Variants in FOCAD observed in about 807,000 individuals in gnomAD.
The protein encoded by FOCAD is KIAA1797.
FOCAD carries 198 observed loss-of-function variants against 225.6 expected under a neutral mutation model. The ratio of observed to expected loss-of-function variants is 0.88; its 90% confidence interval spans 0.78 to 0.99. The LOEUF is 0.99. Among genes scored for constraint, FOCAD ranks in the 50% least tolerant of loss-of-function variants. The probability of loss-of-function intolerance (pLI) is 0.00; values close to 1 mark genes in which losing one functional copy is unlikely to be tolerated. For synonymous variants in FOCAD, 897 were observed against 755.0 expected (o/e 1.19, Z -3.08); for missense variants, 2,713 against 2,123.6 (o/e 1.28, Z -5.46).
At chr9:20,792,225 A>G (rs1820610743) in intron 11 of FOCAD, among the ~76,000 whole-genome samples, 1 of 152,204 alleles carries the variant, frequency 6.6e-6, no homozygotes, top group African/African-American at 2.4e-5. Flanking sequence ...GTTTATGGTA[A>G]GATTAAATAC....
At chr9:20,920,511 C>A (rs1427259032) in intron 24 of FOCAD, among the ~76,000 whole-genome samples, 4 of 125,908 alleles carry the variant, frequency 3.2e-5, no homozygotes, top group African/African-American at 1.2e-4. Context: ...GACACATGCA[C>A]ACGTATGTTT....
chr9:20,880,062 G>A (rs547237083), intron 19 of FOCAD, among the ~76,000 whole-genome samples: 1 of 152,290 alleles, frequency 6.6e-6, no homozygotes, highest in African/African-American at 2.4e-5. Flanking sequence ...CCCTGTGTAT[G>A]TGTATGCAGA....
At chr9:20,792,644 G>C (rs901252471) in intron 11 of FOCAD, among the ~76,000 whole-genome samples, 6 of 151,972 alleles carry the variant, frequency 3.9e-5, no homozygotes, top group African/African-American at 1.4e-4. Flanking sequence ...TTTACATTTT[G>C]GTTGTTAAGT....
intron 11 of FOCAD, among the ~76,000 whole-genome samples, chr9:20,804,845 G>GA (rs377566786): frequency 3.4e-4 from 38 of 110,322 alleles, no homozygotes; most frequent in Non-Finnish European, 5.7e-4. Context: ...TTGCATGTAG[G>GA]AAAAAAAAAT....
intron 1 of FOCAD, among the ~76,000 whole-genome samples, chr9:20,693,080 C>T (rs1413024335): frequency 6.6e-6 from 1 of 152,166 alleles, no homozygotes; most frequent in Non-Finnish European, 1.5e-5. Flanking sequence ...CCGTTGCCAC[C>T]CAAAGTAAAA....
At chr9:20,801,909 G>C (rs1821882324) in intron 11 of FOCAD, among the ~76,000 whole-genome samples, 1 of 152,120 alleles carries the variant, frequency 6.6e-6, no homozygotes, top group Non-Finnish European at 1.5e-5. Context: ...TCCTTTACCA[G>C]AAGTGTCGAG....
At chr9:20,733,858 A>G (rs1042127682) in intron 4 of FOCAD, among the ~76,000 whole-genome samples, 1 of 152,218 alleles carries the variant, frequency 6.6e-6, no homozygotes, top group East Asian at 1.9e-4. Context: ...AAAATTAGCC[A>G]GGTATGGTGA....
At chr9:20,765,215 G>A in intron 7 of FOCAD, 142 bp downstream of exon 7, 2 of 644,068 alleles carry the variant, frequency 3.1e-6, no homozygotes, top group Non-Finnish European at 5.0e-6. Flanking sequence ...AATCTTTTGG[G>A]GAAGATGAAA....
At chr9:20,670,362 A>G (rs931099139) in intron 2 of FOCAD, among the ~76,000 whole-genome samples, 4 of 152,218 alleles carry the variant, frequency 2.6e-5, no homozygotes, top group Non-Finnish European at 2.9e-5. Flanking sequence ...CACTGTTATA[A>G]AGATACCACC....
chr9:20,697,569 T>G (rs926742730), intron 1 of FOCAD, among the ~76,000 whole-genome samples: 1 of 152,264 alleles, frequency 6.6e-6, no homozygotes, highest in Non-Finnish European at 1.5e-5. Flanking sequence ...CTGTTTGGAC[T>G]GCACATTACT....
At chr9:20,806,670 T>G (rs191937149) in intron 11 of FOCAD, among the ~76,000 whole-genome samples, 3 of 152,308 alleles carry the variant, frequency 2.0e-5, no homozygotes, top group East Asian at 3.9e-4. Flanking sequence ...AAATGCTAGT[T>G]TTTTACATCG....
chr9:20,758,178 C>T lies in FOCAD; in HGVS notation c.481C>T (p.Gln161Ter). ...GCAGCAGCTGACAGCGTTTTTCCAG[C>T]AGTGCCCTGAAAGGTAATGTAAAAT... is the stretch of plus-strand genomic sequence containing the variant. ...FLQQLTAFFQ[Q>*]CPERLEVSCI... Residue 161 changes from glutamine (Q) to a stop codon, truncating the protein, a stop_gained, in exon 6 of 44, where the codon CAG becomes TAG. Coordinates refer to ENST00000338382, the MANE Select transcript of FOCAD (RefSeq NM_001375567.1). LOFTEE classifies it high-confidence loss of function. The T allele has an allele frequency of 6.2e-7, 1 of 1,611,116 alleles. No homozygotes were observed. Among genetic ancestry groups the T allele is most frequent in the Non-Finnish European group, 8.5e-7 (1 of 1,178,404 alleles).
At chr9:20,670,098 A>G (rs1822015650) in intron 2 of FOCAD, among the ~76,000 whole-genome samples, 1 of 152,246 alleles carries the variant, frequency 6.6e-6, no homozygotes, top group African/African-American at 2.4e-5. Context: ...AGCACTTTCT[A>G]CATAGTAAGA....
intron 8 of FOCAD, among the ~76,000 whole-genome samples, chr9:20,774,840 A>T (rs1471846180): frequency 6.6e-6 from 1 of 152,220 alleles, no homozygotes; most frequent in Non-Finnish European, 1.5e-5. Flanking sequence ...TAGCAGTTTT[A>T]GAAGGAAATA....
intron 30 of FOCAD, among the ~76,000 whole-genome samples, 195 bp downstream of exon 30, chr9:20,947,015 A>T (rs1166837485): frequency 6.6e-6 from 1 of 152,118 alleles, no homozygotes; most frequent in Non-Finnish European, 1.5e-5. Flanking sequence ...CCCCTGTCTC[A>T]TTCTGTGGAC....
chr9:20,719,815 C>G (rs548280897), intron 3 of FOCAD, among the ~76,000 whole-genome samples: 10 of 114,022 alleles, frequency 8.8e-5, no homozygotes, highest in African/African-American at 3.4e-4. Flanking sequence ...TAGCCATGGA[C>G]TGAGCAGCTT....
At chr9:20,655,640 T>C (rs1213441746), upstream of FOCAD, among the ~76,000 whole-genome samples, 2 of 152,214 alleles carry the variant, frequency 1.3e-5, no homozygotes, top group African/African-American at 2.4e-5. Context: ...AGACATTTTT[T>C]ATTGTGTCTA....
chr9:20,754,194 A>G (rs1356127533), intron 5 of FOCAD, among the ~76,000 whole-genome samples: 1 of 152,182 alleles, frequency 6.6e-6, no homozygotes, highest in East Asian at 1.9e-4. Context: ...GTAAAGAAAA[A>G]TCTTGAGTAA....
chr9:20,779,949 T>C (rs1169788092), intron 9 of FOCAD, among the ~76,000 whole-genome samples: 1 of 152,174 alleles, frequency 6.6e-6, no homozygotes, highest in East Asian at 1.9e-4. Flanking sequence ...TGTTCGCTTA[T>C]ACCTTCCCTC....
Sources: gnomAD v4.1 joint callset for allele counts (sites outside exome capture counted in the v4.1 genomes callset) on GRCh38, gnomAD v4.1.1 for gene constraint, MANE v1.5 for transcripts, NCBI Gene and HGNC (gene_info 2026-07-23, HGNC 2026-07-21) for gene names.